Variants in OTOG observed in about 807,000 individuals in gnomAD.
The protein encoded by OTOG is otogelin.
A neutral mutation model predicts 313.8 loss-of-function variants in OTOG; 296 were observed. That is an observed-to-expected ratio of 0.94 (90% CI 0.86 to 1.04). The LOEUF (loss-of-function observed/expected upper bound fraction) is 1.04, where lower values mean the gene tolerates loss of function less well. Among genes scored for constraint, OTOG ranks in the 50% least tolerant of loss-of-function variants. The pLI, the probability that OTOG is intolerant of heterozygous loss-of-function variation, is 0.00. For synonymous variants in OTOG, 1,533 were observed against 1,554.9 expected (o/e 0.99, Z 0.33); for missense variants, 3,948 against 3,840.1 (o/e 1.03, Z -0.74).
At position 17,547,467 on chromosome 11, in the gene OTOG, G is replaced by T; in HGVS notation, c.94+1G>T. ...GAGTCCCTGCGGGTGCAGCGCCTCG[G>T]TGAGAGGGTTGTGGACTCAGGGAGG... On this transcript the variant is annotated splice_donor_variant, in intron 1 of 55. Coordinates refer to ENST00000399397, the MANE Select transcript of OTOG (RefSeq NM_001292063.2). LOFTEE classifies it high-confidence loss of function. 1 of 1,371,234 alleles carries T rather than the reference G, an allele frequency of 7.3e-7. No homozygotes were observed. Among genetic ancestry groups the T allele is most frequent in the Non-Finnish European group, 9.4e-7 (1 of 1,067,166 alleles). The allele number at this position is 1,371,234 out of a possible 1,614,324, so 84.9% of individuals were successfully genotyped here. A position where few individuals can be genotyped will look rare whatever the true frequency, so the allele number is the denominator to read the frequency against.
chr11:17,591,859 A>G (rs1466184906), intron 25 of OTOG, among the ~76,000 whole-genome samples: 2 of 152,210 alleles, frequency 1.3e-5, no homozygotes, highest in African/African-American at 2.4e-5. Context: ...AGCAAGAGCT[A>G]ATGCTTTTTG....
chr11:17,559,502 A>T, intron 11 of OTOG, 32 bp from the exon 12 acceptor site: 2 of 1,550,362 alleles, frequency 1.3e-6, no homozygotes, highest in Non-Finnish European at 1.7e-6. Context: ...TGGGGCCAGT[A>T]GCTGAGAGAC....
At chr11:17,641,238 G>A in intron 51 of OTOG, 147 bp downstream of exon 51, 1 of 922,248 alleles carries the variant, frequency 1.1e-6, no homozygotes, top group Non-Finnish European at 1.6e-6. Context: ...TGTAGAAAGT[G>A]CCAAGAAAGG....
At position 17,602,377 on chromosome 11, in the gene OTOG, G is replaced by A. The variant is rs1045444996; in HGVS notation, c.3877G>A (p.Asp1293Asn). The stretch of plus-strand genomic sequence containing the variant: ...TGCTCTGTACAAGGCCAAGGCCCAT[G>A]GTAAGGCCCATCCCAGTCCCACTCC... ...TAALYKAKAH[D>N]PDVVSLEAAD... The change falls in exon 32 of 56, where the codon GAC becomes AAC. Residue 1293 changes from aspartate to asparagine, a missense_variant and splice_region_variant. Coordinates refer to ENST00000399397, the MANE Select transcript of OTOG (RefSeq NM_001292063.2). 1 of 1,549,556 alleles carries A rather than the reference G, an allele frequency of 6.5e-7. No individual in the cohort carries two copies. Among genetic ancestry groups the A allele is most frequent in the Admixed American group, 2.0e-5 (1 of 50,984 alleles).
intron 39 of OTOG, among the ~76,000 whole-genome samples, chr11:17,618,367 A>G (rs1853776590): frequency 6.6e-6 from 1 of 152,194 alleles, no homozygotes; most frequent in Non-Finnish European, 1.5e-5. Flanking sequence ...GTTTTGTTTA[A>G]TCTTCAAATA....
chr11:17,629,725 A>G (rs114987595), intron 40 of OTOG, among the ~76,000 whole-genome samples: 3,637 of 152,308 alleles, frequency 0.024, 147 homozygotes, highest in African/African-American at 0.082. Context: ...GGGGGCTCAG[A>G]GAGATTAAGG....
chr11:17,610,904 A>G lies in OTOG; in HGVS notation c.5604A>G (p.Pro1868=). ...QAHPPTHIAP[P]AAGTAPGLLL... Reference sequence around the variant, plus strand: ...ACCCACCCACTCACATAGCACCCCCAGCAGCAGGCACAGCTCCAGGCCTGC... The same window carrying G: ...ACCCACCCACTCACATAGCACCCCCGGCAGCAGGCACAGCTCCAGGCCTGC... Residue 1868 remains proline, a synonymous_variant, in exon 36 of 56, where the codon CCA becomes CCG. Coordinates refer to ENST00000399397, the MANE Select transcript of OTOG (RefSeq NM_001292063.2). 1 of 1,550,540 alleles carries G rather than the reference A, an allele frequency of 6.4e-7. No homozygotes were observed. The highest frequency in any genetic ancestry group is 8.7e-7 in the Non-Finnish European group (1 of 1,146,982).
In OTOG at chr11:17,645,988, C is replaced by T. The variant is rs1286727627; in HGVS notation, c.*44C>T. The T allele has an allele frequency of 1.3e-6, 2 of 1,525,716 alleles. No homozygotes were observed. Among genetic ancestry groups the T allele is most frequent in the South Asian group, 2.4e-5 (2 of 83,670 alleles). 94.5% of individuals were successfully genotyped at this position (1,525,716 alleles called of 1,614,324 possible). Reference sequence around the variant, plus strand: ...AGCTGGACCACCTCTGCCAGCCCCACTTTCTGTTTCCAGCTGGCCCAATGT... The same window carrying T: ...AGCTGGACCACCTCTGCCAGCCCCATTTTCTGTTTCCAGCTGGCCCAATGT... On this transcript the variant is annotated 3_prime_UTR_variant, in exon 56 of 56. Coordinates refer to ENST00000399397, the MANE Select transcript of OTOG (RefSeq NM_001292063.2).
At position 17,634,923 on chromosome 11, in the gene OTOG, C is replaced by G. The variant is rs1187648067; in HGVS notation, c.7560C>G (p.Asp2520Glu). 1 of 1,548,074 alleles carries G rather than the reference C, an allele frequency of 6.5e-7. No individual in the cohort carries two copies. Among genetic ancestry groups the G allele is most frequent in the Non-Finnish European group, 8.7e-7 (1 of 1,146,332 alleles). ...GCCTCCTCACCCACTTCCAGGAGGA[C>G]TCCTGCTGCCCCAGCTACAGCTGTG... Reference protein sequence around the residue: ...GHRLLTHFQEDSCCPSYSCEC... With the variant: ...GHRLLTHFQEESCCPSYSCEC... Residue 2520 changes from aspartate (D) to glutamate (E), a missense_variant, in exon 45 of 56, where the codon GAC (aspartate) becomes GAG (glutamate). Asp to Glu is a conservative substitution (Grantham distance 45). Coordinates refer to ENST00000399397, the MANE Select transcript of OTOG (RefSeq NM_001292063.2).
intron 8 of OTOG, among the ~76,000 whole-genome samples, chr11:17,557,608 C>A (rs1187186065): frequency 6.6e-6 from 1 of 152,034 alleles, no homozygotes; most frequent in Non-Finnish European, 1.5e-5. Flanking sequence ...ATTGACCCTG[C>A]AATGTGGGGC....
At chr11:17,596,226 C>T in intron 29 of OTOG, 72 bp downstream of exon 29, 1 of 1,097,792 alleles carries the variant, frequency 9.1e-7, no homozygotes, top group South Asian at 1.3e-5. Context: ...AGCTCTCAGA[C>T]TCCCCCATGT....
chr11:17,593,598 C>G lies in OTOG; in HGVS notation c.3142-12C>G. The G allele has an allele frequency of 6.5e-7, 1 of 1,548,652 alleles. No homozygotes were observed. The highest frequency in any genetic ancestry group is 8.7e-7 in the Non-Finnish European group (1 of 1,146,862). On this transcript the variant is annotated splice_polypyrimidine_tract_variant and intron_variant, in intron 26 of 55. Coordinates refer to ENST00000399397, the MANE Select transcript of OTOG (RefSeq NM_001292063.2). ...CACTTGGGCTCAGGACTGACCATCTCTGTCCCTCTAGAGTCCAGAGAGCTT... is the reference window on the plus strand; with the variant it reads ...CACTTGGGCTCAGGACTGACCATCTGTGTCCCTCTAGAGTCCAGAGAGCTT...
intron 12 of OTOG, among the ~76,000 whole-genome samples, chr11:17,560,023 C>G (rs1397468342): frequency 6.6e-6 from 1 of 152,158 alleles, no homozygotes; most frequent in Admixed American, 6.5e-5. Flanking sequence ...TCGAGAGATT[C>G]ATCAGGACAT....
chr11:17,612,062 G>A (rs1460129670), intron 36 of OTOG, 100 bp from the exon 37 acceptor site: 58 of 1,396,780 alleles, frequency 4.2e-5, no homozygotes, highest in Middle Eastern at 3.5e-4. Flanking sequence ...CCCCTGCCCC[G>A]CTAGGACCTA....
At position 17,645,761 on chromosome 11, in the gene OTOG, C is replaced by G. The variant is rs1234069771; in HGVS notation, c.8559C>G (p.Cys2853Trp). ...CGTTCCAGGTGAACCTAGTGTCCTG[C>G]GATGGGAGGTGCCCATCCGCCAGCA... ...RSSTPVNLVS[C>W]DGRCPSASIY... The change falls in exon 56 of 56, where the codon TGC becomes TGG. Residue 2853 changes from cysteine to tryptophan, a missense_variant. Physicochemically the swap from Cys to Trp is radical, Grantham distance 215 (BLOSUM62 -2). Coordinates refer to ENST00000399397, the MANE Select transcript of OTOG (RefSeq NM_001292063.2). 8.4e-6 allele frequency: 13 copies of G among 1,550,770 alleles called. No homozygotes were observed. Among genetic ancestry groups the G allele is most frequent in the South Asian group, 1.2e-5 (1 of 84,068 alleles).
intron 39 of OTOG, among the ~76,000 whole-genome samples, chr11:17,618,842 TTGTC>T (rs558636899): frequency 4.9e-4 from 74 of 152,342 alleles, no homozygotes; most frequent in Non-Finnish European, 8.5e-4. Context: ...GAATTCCACT[TTGTC>T]TGACTTGCCT....
In OTOG at chr11:17,587,157, G is replaced by C. The variant is rs116723082; in HGVS notation, c.2867+576G>C. Among the ~76,000 whole-genome samples the C allele has an allele frequency of 5.6e-3, 849 of 152,332 alleles. 10 individuals are homozygous for C. The highest frequency in any genetic ancestry group is 0.019 in the African/African-American group (797 of 41,574). On this transcript the variant is annotated intron_variant, in intron 24 of 55. Transcript: ENST00000399397. ...GTGTAAATGTGCATTGTGTTTGCCTGTGAATAGGTACATTCTTGTGTATGA... is the reference window on the plus strand; with the variant it reads ...GTGTAAATGTGCATTGTGTTTGCCTCTGAATAGGTACATTCTTGTGTATGA...
At chr11:17,612,905 G>A (rs561860375) in intron 38 of OTOG, 140 bp downstream of exon 38, 1 of 1,079,840 alleles carries the variant, frequency 9.3e-7, no homozygotes, top group African/African-American at 1.6e-5. Flanking sequence ...TCCAGGAATG[G>A]GCAGGGCCTC....
At chr11:17,557,028 A>T in intron 7 of OTOG, 90 bp from the exon 8 acceptor site, 1 of 1,281,486 alleles carries the variant, frequency 7.8e-7, no homozygotes, top group Admixed American at 2.0e-5. Flanking sequence ...GCCTTGGATC[A>T]TGGGGTAGGG....
Sources: gnomAD v4.1 joint callset for allele counts (sites outside exome capture counted in the v4.1 genomes callset) on GRCh38, gnomAD v4.1.1 for gene constraint, MANE v1.5 for transcripts, NCBI Gene and HGNC (gene_info 2026-07-23, HGNC 2026-07-21) for gene names.